Variants in CALN1 observed in about 807,000 individuals in gnomAD.
CALN1 encodes calcium-binding protein 8.
A neutral mutation model predicts 30.6 loss-of-function variants in CALN1; 17 were observed. The ratio of observed to expected loss-of-function variants is 0.56; its 90% confidence interval spans 0.38 to 0.83. The LOEUF is 0.83. Among genes scored for constraint, CALN1 ranks in the 40% least tolerant of loss-of-function variants. CALN1 has a pLI of 0.00. For missense variants in CALN1, 291 were observed against 354.9 expected (o/e 0.82, Z 1.45); for synonymous variants, 156 against 131.4 (o/e 1.19, Z -1.28).
chr7:71,910,667 A>G lies in CALN1; in HGVS notation c.502-100175T>C, dbSNP rs146723558. 5.3e-5 allele frequency among the ~76,000 whole-genome samples: 8 copies of G among 152,312 alleles called. No homozygotes were observed. The East Asian group carries it at 1.4e-3, about 26-fold the overall frequency. ...AGTAGAGTTATGTAAGAACAGAGAA[A>G]AAAAGGGCTTACTCATTCTAGCAGA... On this transcript the variant is annotated intron_variant, in intron 5 of 6. Coordinates refer to ENST00000395275, the MANE Select transcript of CALN1 (RefSeq NM_031468.4).
At position 72,271,575 on chromosome 7, in the gene CALN1, A is replaced by AAAAATATATAT; in HGVS notation, c.244+7110_244+7111insATATATATTTT. ...CTGTGCCTGCCTTTTAAAAAAAAAA[A>AAAAATATATAT]ATATATATATATATATATAGTTTTC... On this transcript the variant is annotated intron_variant, in intron 3 of 6. Coordinates refer to ENST00000395275, the MANE Select transcript of CALN1 (RefSeq NM_031468.4). Among the ~76,000 whole-genome samples the AAAAATATATAT allele has an allele frequency of 6.9e-4, 36 of 52,120 alleles. 1 individual carries two copies. In the East Asian group the frequency reaches 0.018, roughly 26 times the overall value. The allele number at this position is 52,120 out of a possible 152,430, so 34.2% of individuals were successfully genotyped here. A position where few individuals can be genotyped will look rare whatever the true frequency, so the allele number is the denominator to read the frequency against.
At chr7:72,162,478 G>A (rs1390494303) in intron 3 of CALN1, among the ~76,000 whole-genome samples, 1 of 151,932 alleles carries the variant, frequency 6.6e-6, no homozygotes, top group East Asian at 1.9e-4. Flanking sequence ...TCATAGCTGT[G>A]GTCCTGGCAC....
chr7:72,470,713 G>C, the CALN1 span, among the ~76,000 whole-genome samples: 2 of 152,020 alleles, frequency 1.3e-5, no homozygotes, highest in Admixed American at 1.3e-4. Flanking sequence ...ATGTTGTGTG[G>C]GATACCATAA....
chr7:72,284,979 G>A (rs1055986880), intron 2 of CALN1, among the ~76,000 whole-genome samples: 2 of 151,910 alleles, frequency 1.3e-5, no homozygotes, highest in Non-Finnish European at 2.9e-5. Flanking sequence ...ATTGCAGTAG[G>A]GTATTATTAT....
intron 5 of CALN1, among the ~76,000 whole-genome samples, chr7:71,967,557 T>C (rs1258651714): frequency 6.9e-6 from 1 of 145,510 alleles, no homozygotes; most frequent in African/African-American, 2.6e-5. Context: ...TGAGCCCAAG[T>C]CAAGGCTGCA....
chr7:72,380,209 G>A (rs970928112), intron 2 of CALN1, among the ~76,000 whole-genome samples: 1 of 152,092 alleles, frequency 6.6e-6, no homozygotes, highest in Admixed American at 6.5e-5. Context: ...TACCAGTCAA[G>A]CCCCACAAAT....
chr7:72,360,335 G>C (rs1275306314), intron 2 of CALN1, among the ~76,000 whole-genome samples: 1 of 152,158 alleles, frequency 6.6e-6, no homozygotes, highest in African/African-American at 2.4e-5. Context: ...AATGGTTCAA[G>C]AGAGAGTAGA....
intron 3 of CALN1, among the ~76,000 whole-genome samples, chr7:72,221,259 G>A (rs894079746): frequency 2.0e-4 from 30 of 150,566 alleles, no homozygotes; most frequent in Admixed American, 5.3e-4. Context: ...TAAGAGCCCC[G>A]AAAACGTGGA....
At chr7:72,174,926 A>ATTTTT (rs33979752) in intron 3 of CALN1, among the ~76,000 whole-genome samples, 1 of 137,778 alleles carries the variant, frequency 7.3e-6, no homozygotes, top group Admixed American at 7.2e-5. Flanking sequence ...AATATAATCA[A>ATTTTT]TTTTTTTTTT....
chr7:72,348,187 C>T (rs1010602444), intron 2 of CALN1, among the ~76,000 whole-genome samples: 1 of 152,164 alleles, frequency 6.6e-6, no homozygotes, highest in Non-Finnish European at 1.5e-5. Context: ...AAGTTAGTTT[C>T]CTTCCCACTA....
chr7:72,497,948 GAGAC>G, the CALN1 span, among the ~76,000 whole-genome samples: 1 of 152,144 alleles, frequency 6.6e-6, no homozygotes, highest in African/African-American at 2.4e-5. Flanking sequence ...AATGGATAAA[GAGAC>G]AGAGAATCTC....
At chr7:72,044,729 A>G (rs1802360189) in intron 4 of CALN1, among the ~76,000 whole-genome samples, 1 of 148,504 alleles carries the variant, frequency 6.7e-6, no homozygotes, top group South Asian at 2.1e-4. Context: ...CTCCTGCTTC[A>G]GGTTCCTGAG....
At chr7:71,830,161 A>G (rs1350694248) in intron 5 of CALN1, among the ~76,000 whole-genome samples, 1 of 150,538 alleles carries the variant, frequency 6.6e-6, no homozygotes, top group Non-Finnish European at 1.5e-5. Flanking sequence ...CTCCTGCTTC[A>G]GCCTCCCGAA....
At chr7:72,366,455 C>T (rs1431120877) in intron 2 of CALN1, among the ~76,000 whole-genome samples, 2 of 152,146 alleles carry the variant, frequency 1.3e-5, no homozygotes, top group Non-Finnish European at 2.9e-5. Context: ...GCATTACAGG[C>T]ATGAGCTACA....
chr7:72,007,767 A>G (rs1262021195), intron 5 of CALN1, among the ~76,000 whole-genome samples: 3 of 152,154 alleles, frequency 2.0e-5, no homozygotes, highest in African/African-American at 4.8e-5. Context: ...GGGTTTTGCT[A>G]TGTTACCCAG....
intron 2 of CALN1, among the ~76,000 whole-genome samples, chr7:72,328,961 T>C (rs527990123): frequency 6.6e-6 from 1 of 152,266 alleles, no homozygotes; most frequent in Non-Finnish European, 1.5e-5. Context: ...CCTCCCAAAG[T>C]GCTGGGATTA....
At chr7:72,189,986 T>TTAG (rs1319730275) in intron 3 of CALN1, among the ~76,000 whole-genome samples, 1 of 152,146 alleles carries the variant, frequency 6.6e-6, no homozygotes, top group African/African-American at 2.4e-5. Context: ...CAGGAAGATG[T>TTAG]TAGCATGTAC....
At chr7:72,090,819 A>G (rs963535791) in intron 4 of CALN1, among the ~76,000 whole-genome samples, 1 of 152,234 alleles carries the variant, frequency 6.6e-6, no homozygotes, top group Non-Finnish European at 1.5e-5. Flanking sequence ...AAACAAGCCA[A>G]GTGCAGAAAG....
At chr7:72,122,605 A>C (rs897283920) in intron 3 of CALN1, among the ~76,000 whole-genome samples, 3 of 152,130 alleles carry the variant, frequency 2.0e-5, no homozygotes, top group African/African-American at 7.2e-5. Flanking sequence ...ACATGCCCGA[A>C]GTCCAAGCTA....
Sources: gnomAD v4.1 joint callset for allele counts (sites outside exome capture counted in the v4.1 genomes callset) on GRCh38, gnomAD v4.1.1 for gene constraint, MANE v1.5 for transcripts, NCBI Gene and HGNC (gene_info 2026-07-23, HGNC 2026-07-21) for gene names.